The following A1CF variants were observed in gnomAD, a reference collection of about 807,000 sequenced individuals.
The protein encoded by A1CF is APOBEC-1 stimulating protein.
In A1CF, 48 loss-of-function variants were observed where a neutral mutation model predicts 68.9. The observed-to-expected ratio is 0.70, with a 90% CI of 0.55 to 0.89. The LOEUF is 0.89. A1CF is among the 40% of genes least tolerant of loss of function. A1CF has a pLI of 0.00. For missense variants in A1CF, 653 were observed against 718.9 expected, an observed-to-expected ratio of 0.91 and a Z score of 1.05; for synonymous variants, 272 against 260.4, an observed-to-expected ratio of 1.04 and a Z score of -0.43.
In A1CF at chr10:50,811,065, C is replaced by G. The variant is rs1358913978; in HGVS notation, c.1435G>C (p.Ala479Pro). Residue 479 changes from alanine (A) to proline (P), a missense_variant, in exon 11 of 13, where the codon GCT becomes CCT. Transcript: ENST00000373997. ...ATTGCAGGATTCTGGCTGGCTAGAG[C>G]AGGAATAGTTATTTTGTACAAGAAT... ...QLFLYKITIP[A>P]LASQNPAIHP... 1.2e-6 allele frequency: 2 copies of G among 1,612,962 alleles called. No individual in the cohort carries two copies. Among genetic ancestry groups the G allele is most frequent in the South Asian group, 2.2e-5 (2 of 90,950 alleles).
chr10:50,865,723 G>C (rs1437931538), intron 1 of A1CF, among the ~76,000 whole-genome samples: 1 of 152,068 alleles, frequency 6.6e-6, no homozygotes, highest in African/African-American at 2.4e-5. Flanking sequence ...TGGCCTTACT[G>C]ATCCTTCTAG....
In A1CF at chr10:50,875,144, A is replaced by G. The variant is rs1589049291; in HGVS notation, c.-94+10437T>C. 2.0e-5 allele frequency among the ~76,000 whole-genome samples: 3 copies of G among 152,232 alleles called. No homozygotes were observed. In the South Asian group the frequency reaches 6.2e-4, roughly 32 times the overall value. On this transcript the variant is annotated intron_variant, in intron 1 of 12. Coordinates refer to ENST00000373997, the MANE Select transcript of A1CF (RefSeq NM_014576.4). The stretch of plus-strand genomic sequence containing the variant: ...ATCTAATTAAAAAGAAAAAGACTAC[A>G]TGAGAAAGGTAGAAATTAGACAGCA...
chr10:50,809,964 G>C lies in A1CF; in HGVS notation c.1539C>G (p.Thr513=), dbSNP rs1838021281. Residue 513 remains threonine (T), a synonymous_variant, in exon 12 of 13, where the codon ACC becomes ACG. Coordinates refer to ENST00000373997, the MANE Select transcript of A1CF (RefSeq NM_014576.4). ...CGCCTCCATCAGTGGGGATGCCCAG[G>C]GTCTGCAGGGTGTATTCGGCTGCAT... is the stretch of plus-strand genomic sequence containing the variant. ...KTYAAEYTLQ[T]LGIPTDGGDG... 1.2e-6 allele frequency: 2 copies of C among 1,613,882 alleles called. No homozygotes were observed. Among genetic ancestry groups the C allele is most frequent in the African/African-American group, 2.7e-5 (2 of 74,918 alleles).
At chr10:50,827,462 A>G (rs534619478) in intron 7 of A1CF, among the ~76,000 whole-genome samples, 8 of 152,332 alleles carry the variant, frequency 5.3e-5, no homozygotes, top group African/African-American at 1.9e-4. Context: ...TCAAACTAGA[A>G]CTCAGGATTA....
intron 1 of A1CF, among the ~76,000 whole-genome samples, chr10:50,873,870 A>G (rs919448655): frequency 1.3e-5 from 2 of 152,194 alleles, no homozygotes; most frequent in African/African-American, 2.4e-5. Context: ...AAACTATATC[A>G]GAGAAAAAAT....
Position 50,809,980 on chromosome 10 carries a change from T to G in A1CF, c.1523A>C (p.Glu508Ala). Residue 508 changes from glutamate to alanine, a missense_variant, in exon 12 of 13, where the codon GAA becomes GCA. By Grantham distance (107) the Glu-to-Ala change is moderately radical. Transcript: ENST00000373997. ...GATGCCCAGGGTCTGCAGGGTGTAT[T>G]CGGCTGCATACGTCTTTGCTTCATC... ...FVDEAKTYAA[E>A]YTLQTLGIPT... The G allele has an allele frequency of 1.2e-6, 2 of 1,614,020 alleles. No homozygotes were observed. The highest frequency in any genetic ancestry group is 1.7e-5 in the Admixed American group (1 of 59,992).
intron 5 of A1CF, among the ~76,000 whole-genome samples, chr10:50,836,606 T>C (rs1306507789): frequency 6.6e-6 from 1 of 151,850 alleles, no homozygotes; most frequent in East Asian, 1.9e-4. Context: ...TTGTTACATA[T>C]GTATACATGT....
intron 3 of A1CF, among the ~76,000 whole-genome samples, chr10:50,845,405 A>G (rs185047764): frequency 1.2e-3 from 185 of 152,342 alleles, no homozygotes; most frequent in Admixed American, 2.1e-3. Context: ...TTTTCAAACA[A>G]ATACCTATAT....
At chr10:50,864,343 A>G (rs1018934287) in intron 1 of A1CF, among the ~76,000 whole-genome samples, 2 of 152,170 alleles carry the variant, frequency 1.3e-5, no homozygotes, top group African/African-American at 2.4e-5. Flanking sequence ...AGGAACAGCA[A>G]AAGGACTCCA....
chr10:50,871,980 C>T (rs1841288821), intron 1 of A1CF, among the ~76,000 whole-genome samples: 1 of 151,802 alleles, frequency 6.6e-6, no homozygotes, highest in Admixed American at 6.6e-5. Context: ...AGTCTACAGA[C>T]AGGAAGAGAA....
intron 3 of A1CF, among the ~76,000 whole-genome samples, chr10:50,845,884 G>A (rs915835632): frequency 6.6e-6 from 1 of 150,664 alleles, no homozygotes; most frequent in Non-Finnish European, 1.5e-5. Flanking sequence ...AACCCAGGAA[G>A]TAGAGGTTGC....
chr10:50,848,821 C>T (rs963508471), intron 3 of A1CF, among the ~76,000 whole-genome samples: 4 of 152,152 alleles, frequency 2.6e-5, no homozygotes, highest in Non-Finnish European at 5.9e-5. Context: ...CAAATCTACC[C>T]TTGCTTAGTA....
intron 3 of A1CF, among the ~76,000 whole-genome samples, chr10:50,858,327 A>G (rs560574853): frequency 6.6e-6 from 1 of 152,256 alleles, no homozygotes; most frequent in East Asian, 1.9e-4. Flanking sequence ...AAAAGGAAGA[A>G]CCAGTATCCA....
At chr10:50,876,451 C>A (rs1167922094) in intron 1 of A1CF, among the ~76,000 whole-genome samples, 3 of 152,240 alleles carry the variant, frequency 2.0e-5, no homozygotes, top group Admixed American at 6.5e-5. Flanking sequence ...TTTTTAACCC[C>A]AAAAAGATCT....
chr10:50,806,892 G>GGC lies in A1CF; in HGVS notation c.1610-14_1610-13dup, dbSNP rs1564490492. 6.3e-7 allele frequency: 1 copy of GGC among 1,593,742 alleles called. No individual in the cohort carries two copies. On this transcript the variant is annotated splice_polypyrimidine_tract_variant and intron_variant, in intron 12 of 12. Transcript: ENST00000373997. ...AGGGACAGCATATCCTGGAGGAAGA[G>GGC]GCAGAGAAAACTTGATGAAAGGAAT... is the stretch of plus-strand genomic sequence containing the variant.
rs200135222 is a variant in A1CF at position 50,816,101 on chromosome 10, G to A, written c.1046C>T (p.Ala349Val). The A allele has an allele frequency of 3.1e-6, 5 of 1,613,818 alleles. No homozygotes were observed. Among genetic ancestry groups the A allele is most frequent in the African/African-American group, 2.7e-5 (2 of 75,000 alleles). The change falls in exon 9 of 13, where the codon GCC becomes GTC. Residue 349 changes from alanine (A) to valine (V), a missense_variant. Transcript: ENST00000373997. ...GGGAATTGCTGCATAGGTCTGGGGG[G>A]CATAGAAGACAGGAGCTCCAAGGTA... is the stretch of plus-strand genomic sequence containing the variant. The part of the protein sequence containing the change: ...TTYLGAPVFY[A>V]PQTYAAIPSL...
chr10:50,860,085 C>G, intron 2 of A1CF, 100 bp from the exon 3 acceptor site: 1 of 638,622 alleles, frequency 1.6e-6, no homozygotes, highest in Non-Finnish European at 2.7e-6. Flanking sequence ...TCTGTAAATG[C>G]GTCATTAAAG....
intron 3 of A1CF, among the ~76,000 whole-genome samples, chr10:50,855,856 G>T (rs990379199): frequency 6.6e-6 from 1 of 151,836 alleles, no homozygotes; most frequent in Admixed American, 6.6e-5. Flanking sequence ...CATTTTATGG[G>T]TATGCTGCTT....
chr10:50,836,073 C>G lies in A1CF; in HGVS notation c.604+1G>C. 1.2e-6 allele frequency: 2 copies of G among 1,601,574 alleles called. No individual in the cohort carries two copies. The highest frequency in any genetic ancestry group is 1.1e-5 in the South Asian group (1 of 88,706). On this transcript the variant is annotated splice_donor_variant, in intron 6 of 12. Transcript: ENST00000373997. LOFTEE classifies it high-confidence loss of function. ...TCATCTTTGAGGAGGGGATTGCTAACCTGGTAGCAGTTTCCTCCTCGCCAT... is the reference window on the plus strand; with the variant it reads ...TCATCTTTGAGGAGGGGATTGCTAAGCTGGTAGCAGTTTCCTCCTCGCCAT...
Sources: gnomAD v4.1 joint callset for allele counts (sites outside exome capture counted in the v4.1 genomes callset) on GRCh38, gnomAD v4.1.1 for gene constraint, MANE v1.5 for transcripts, NCBI Gene and HGNC (gene_info 2026-07-23, HGNC 2026-07-21) for gene names.